Variants in PIK3C2G observed in about 807,000 individuals in gnomAD.
PIK3C2G encodes phosphatidylinositol 3-kinase C2 domain-containing subunit gamma.
Under a neutral mutation model 181.1 loss-of-function variants are expected in PIK3C2G, and 168 were observed. The observed-to-expected ratio is 0.93, with a 90% confidence interval of 0.82 to 1.05. PIK3C2G has a LOEUF of 1.05. Ranked by LOEUF, PIK3C2G falls within the 50% of genes least tolerant of loss-of-function variation. The pLI is 0.00. For synonymous variants in PIK3C2G, 573 were observed against 592.2 expected (o/e 0.97, Z 0.47); for missense variants, 1,869 against 1,732.8 (o/e 1.08, Z -1.40).
At chr12:18,587,744 C>T (rs183408072) in intron 29 of PIK3C2G, among the ~76,000 whole-genome samples, 1 of 150,528 alleles carries the variant, frequency 6.6e-6, no homozygotes, top group East Asian at 2.0e-4. Flanking sequence ...ACAACAATAA[C>T]AACCAAACAA....
At chr12:18,439,434 GTTAT>G (rs1415241067) in intron 18 of PIK3C2G, among the ~76,000 whole-genome samples, 1 of 151,962 alleles carries the variant, frequency 6.6e-6, no homozygotes, top group Non-Finnish European at 1.5e-5. Context: ...CTTTTAAAGC[GTTAT>G]TTAATGTATT....
chr12:18,496,079 A>C lies in PIK3C2G; in HGVS notation c.2811A>C (p.Thr937=), dbSNP rs1000081931. The C allele has an allele frequency of 6.5e-7, 1 of 1,526,882 alleles. No individual in the cohort carries two copies. Among genetic ancestry groups the C allele is most frequent in the African/African-American group, 1.4e-5 (1 of 71,960 alleles). 94.6% of individuals were successfully genotyped at this position (1,526,882 alleles called of 1,614,324 possible). ...TCCTATAGGCATGTTCATATTTTAC[A>C]TCTAATGCTTTGCCATTGAAGATTA... ...GIDHDACSYF[T]SNALPLKITF... Residue 937 remains threonine (T), a synonymous_variant, in exon 21 of 33, where the codon ACA becomes ACC. Coordinates refer to ENST00000538779, the MANE Select transcript of PIK3C2G (RefSeq NM_001288772.2).
chr12:18,715,030 C>A, the PIK3C2G span: 138,696 of 151,566 alleles, frequency 0.92, 63,530 homozygotes, highest in East Asian at 0.99. Flanking sequence ...TCTTCTTTGG[C>A]GATCATATGC....
intron 16 of PIK3C2G, among the ~76,000 whole-genome samples, chr12:18,420,320 C>T (rs1256071958): frequency 6.6e-6 from 1 of 152,034 alleles, no homozygotes; most frequent in African/African-American, 2.4e-5. Context: ...ATGCTAAATA[C>T]CTCACAAATT....
chr12:18,695,721 G>A, the PIK3C2G span, among the ~76,000 whole-genome samples: 2 of 152,054 alleles, frequency 1.3e-5, no homozygotes, highest in Non-Finnish European at 2.9e-5. Flanking sequence ...AGTCTGGTGA[G>A]GGCAAATAAC....
chr12:18,488,419 C>G, intron 18 of PIK3C2G, 30 bp from the exon 19 acceptor site: 1 of 1,440,268 alleles, frequency 6.9e-7, no homozygotes, highest in Non-Finnish European at 9.2e-7. Flanking sequence ...GCTTTACATA[C>G]AAGAATTTTT....
intron 8 of PIK3C2G, among the ~76,000 whole-genome samples, chr12:18,328,189 G>A (rs1307430864): frequency 2.0e-5 from 3 of 151,918 alleles, no homozygotes; most frequent in Admixed American, 6.6e-5. Flanking sequence ...ATGAAACATC[G>A]ATCTGGTCAG....
At chr12:18,271,186 TAGAGTCCCC>T (rs1429678223) in intron 1 of PIK3C2G, among the ~76,000 whole-genome samples, 1 of 152,070 alleles carries the variant, frequency 6.6e-6, no homozygotes, top group East Asian at 1.9e-4. Flanking sequence ...TTCCATTCCT[TAGAGTCCCC>T]AGACATCCTT....
intron 29 of PIK3C2G, among the ~76,000 whole-genome samples, chr12:18,574,100 A>G (rs1277514881): frequency 6.6e-6 from 1 of 152,210 alleles, no homozygotes; most frequent in Non-Finnish European, 1.5e-5. Context: ...ATCATCCTGT[A>G]TGAAGGACTC....
chr12:18,501,164 G>A (rs565076904), intron 22 of PIK3C2G, among the ~76,000 whole-genome samples: 8 of 152,322 alleles, frequency 5.3e-5, no homozygotes, highest in Admixed American at 1.3e-4. Flanking sequence ...CAGGAACCCA[G>A]CAATTCCGGA....
the PIK3C2G span, among the ~76,000 whole-genome samples, chr12:18,655,793 A>G: frequency 6.9e-6 from 1 of 145,204 alleles, no homozygotes; most frequent in Admixed American, 7.1e-5. Flanking sequence ...CCAATTGACA[A>G]CATTCTACCA....
At chr12:18,283,478 G>C (rs747898855) in intron 2 of PIK3C2G, among the ~76,000 whole-genome samples, 10 of 151,996 alleles carry the variant, frequency 6.6e-5, no homozygotes, top group African/African-American at 1.7e-4. Context: ...GAGGCAGAAG[G>C]GTTCTTTATT....
intron 18 of PIK3C2G, among the ~76,000 whole-genome samples, chr12:18,428,808 A>C (rs1945986061): frequency 6.6e-6 from 1 of 152,188 alleles, no homozygotes; most frequent in Non-Finnish European, 1.5e-5. Flanking sequence ...GCTTTACCTC[A>C]CAGTTTGCAT....
chr12:18,520,726 C>A (rs2136180099), intron 24 of PIK3C2G, among the ~76,000 whole-genome samples: 1 of 152,232 alleles, frequency 6.6e-6, no homozygotes, highest in East Asian at 1.9e-4. Context: ...TCAATTTTTC[C>A]ATCTCATCCT....
At chr12:18,292,210 C>CAAAAAAAAAAAAAAAAA (rs745371375) in intron 4 of PIK3C2G, among the ~76,000 whole-genome samples, 1 of 28,624 alleles carries the variant, frequency 3.5e-5, no homozygotes, top group Non-Finnish European at 6.4e-5. Context: ...AACTCCATCT[C>CAAAAAAAAAAAAAAAAA]AAAAAAAAAA....
chr12:18,306,276 G>C (rs1212273729), intron 5 of PIK3C2G, among the ~76,000 whole-genome samples: 1 of 151,928 alleles, frequency 6.6e-6, no homozygotes, highest in African/African-American at 2.4e-5. Context: ...AGTATTAGCT[G>C]TTGGTATCAA....
At chr12:18,254,155 A>G (rs1241331590) in intron 1 of PIK3C2G, among the ~76,000 whole-genome samples, 1 of 152,030 alleles carries the variant, frequency 6.6e-6, no homozygotes, top group East Asian at 1.9e-4. Flanking sequence ...TTAAAAACCA[A>G]CCCTCTATTT....
the PIK3C2G span, among the ~76,000 whole-genome samples, chr12:18,716,819 T>C: frequency 6.6e-6 from 1 of 152,232 alleles, no homozygotes; most frequent in African/African-American, 2.4e-5. Context: ...CTATTTTCTA[T>C]TTGAAGTTGA....
the PIK3C2G span, among the ~76,000 whole-genome samples, chr12:18,714,412 G>A: frequency 5.9e-5 from 9 of 152,082 alleles, no homozygotes; most frequent in African/African-American, 2.2e-4. Flanking sequence ...TAAACTGACT[G>A]TTAGTAAATA....
Sources: allele counts gnomAD v4.1 joint callset (sites outside exome capture counted in the v4.1 genomes callset), GRCh38; gene constraint gnomAD v4.1.1; transcripts MANE v1.5; gene names NCBI Gene and HGNC (gene_info 2026-07-23, HGNC 2026-07-21).